Variants in PGPEP1L observed in about 807,000 individuals in gnomAD.
PGPEP1L encodes pyroglutamyl-peptidase I like, also known as pyroglutamyl-peptidase 1-like protein.
Under a neutral mutation model 6.0 loss-of-function variants are expected in PGPEP1L, and 7 were observed. The ratio of observed to expected loss-of-function variants is 1.17; its 90% CI spans 0.66 to 2.19. The LOEUF (loss-of-function observed/expected upper bound fraction) is 2.19. Ranked by LOEUF, PGPEP1L falls within the 30% of genes most tolerant of loss-of-function variation. The pLI is 0.00. For synonymous variants in PGPEP1L, 103 were observed against 83.9 expected (o/e 1.23, Z -1.24); for missense variants, 209 against 192.5 (o/e 1.09, Z -0.51).
chr15:98,973,550 G>A (rs2017527781), intron 2 of PGPEP1L, among the ~76,000 whole-genome samples: 1 of 152,158 alleles, frequency 6.6e-6, no homozygotes. Flanking sequence ...ATCAATAACA[G>A]AAGGAATGTT....
chr15:98,996,904 C>T (rs553566810), intron 2 of PGPEP1L, among the ~76,000 whole-genome samples: 54 of 152,244 alleles, frequency 3.5e-4, no homozygotes, highest in African/African-American at 1.3e-3. Context: ...TATGCCCCAC[C>T]TGGTTCTAAG....
At chr15:99,001,257 C>A in intron 2 of PGPEP1L, 1 of 312,940 alleles carries the variant, frequency 3.2e-6, no homozygotes, top group Non-Finnish European at 6.5e-6. Context: ...CACACTACCA[C>A]GTGGCTCAAC....
intron 2 of PGPEP1L, among the ~76,000 whole-genome samples, chr15:98,991,740 A>T (rs781857383): frequency 7.2e-5 from 11 of 152,236 alleles, no homozygotes; most frequent in Non-Finnish European, 1.5e-4. Flanking sequence ...GCAGCACATC[A>T]AAAAGCTTAT....
intron 2 of PGPEP1L, among the ~76,000 whole-genome samples, chr15:98,982,606 G>A (rs557353873): frequency 9.9e-5 from 15 of 151,960 alleles, no homozygotes; most frequent in East Asian, 3.9e-4. Context: ...CATGGTTGAC[G>A]CTGAGCTGGG....
At chr15:99,007,239 AT>A (rs113666241) in intron 1 of PGPEP1L, 119 bp downstream of exon 1, 15,520 of 152,192 alleles carry the variant, frequency 0.1, 903 homozygotes, top group African/African-American at 0.14. Context: ...GATGCAGAGG[AT>A]TTTTGTACTT....
rs138786461 is a variant in PGPEP1L, at chr15:98,992,421, G to A, written c.-142+13008C>T. Among the ~76,000 whole-genome samples, 1,469 of 152,164 alleles carry A rather than the reference G, an allele frequency of 9.7e-3. 11 individuals are homozygous for A. The highest frequency in any genetic ancestry group is 0.017 in the Middle Eastern group (5 of 294). Reference sequence around the variant, plus strand: ...TGTGAAGGACCTCTTCAAGGAGAACGTCAAACCACTGCTCAAGGAAATGAG... The same window carrying A: ...TGTGAAGGACCTCTTCAAGGAGAACATCAAACCACTGCTCAAGGAAATGAG... On this transcript the variant is annotated intron_variant, in intron 2 of 4. Transcript: ENST00000535714.
chr15:98,968,506 G>A lies in PGPEP1L; in HGVS notation c.401C>T (p.Thr134Ile), dbSNP rs771531915. 6.6e-5 allele frequency: 107 copies of A among 1,613,526 alleles called. No homozygotes were observed. The Admixed American group carries it at 7.8e-4, about 12-fold the overall frequency. Residue 134 changes from threonine to isoleucine, a missense_variant, in exon 5 of 5, where the codon ACC (threonine) becomes ATC (isoleucine). Transcript: ENST00000535714. ...GTTCCCTTTGGCTGGAAGGACCATG[G>A]TTGAGTTTTCTTCGAACTGGGCTCT... ...KHRAQFEENSTMVLPAKGN is the reference protein window; with the variant it reads ...KHRAQFEENSIMVLPAKGN
rs2017744644 is a variant in PGPEP1L, at chr15:98,986,216, A to G, written c.-141-15058T>C. Among the ~76,000 whole-genome samples the G allele has an allele frequency of 2.0e-5, 3 of 152,336 alleles. No individual in the cohort carries two copies. The South Asian group carries it at 6.2e-4, about 32-fold the overall frequency. ...TTTGTAAGTGATAGAAGTGTCTTTC[A>G]TGGGAATGAGGTGACTCATGTGGGC... On this transcript the variant is annotated intron_variant, in intron 2 of 4. Transcript: ENST00000535714.
chr15:98,970,612 TC>T (rs1439630515), intron 3 of PGPEP1L, among the ~76,000 whole-genome samples: 1 of 152,114 alleles, frequency 6.6e-6, no homozygotes, highest in Non-Finnish European at 1.5e-5. Context: ...TAAAATGGGC[TC>T]GTGCTATGAA....
intron 2 of PGPEP1L, among the ~76,000 whole-genome samples, chr15:98,971,403 A>T (rs2017495156): frequency 1.3e-5 from 2 of 152,184 alleles, no homozygotes; most frequent in Non-Finnish European, 1.5e-5. Context: ...CTGAGGCAGG[A>T]GAATCACTTG....
At chr15:99,006,722 G>A (rs1174845567) in intron 1 of PGPEP1L, among the ~76,000 whole-genome samples, 3 of 152,202 alleles carry the variant, frequency 2.0e-5, no homozygotes, top group East Asian at 3.8e-4. Context: ...AGGCTGAAGC[G>A]GGAGGATCAC....
At chr15:98,997,296 T>C (rs1274094068) in intron 2 of PGPEP1L, among the ~76,000 whole-genome samples, 2 of 152,202 alleles carry the variant, frequency 1.3e-5, no homozygotes, top group African/African-American at 4.8e-5. Flanking sequence ...GAGTTTTCCT[T>C]GACTGCATCT....
chr15:98,997,424 G>A (rs938763683), intron 2 of PGPEP1L, among the ~76,000 whole-genome samples: 5 of 152,120 alleles, frequency 3.3e-5, no homozygotes, highest in African/African-American at 9.7e-5. Flanking sequence ...TTGATCCAAC[G>A]GAGGCATGAA....
intron 2 of PGPEP1L, among the ~76,000 whole-genome samples, chr15:99,000,511 T>G (rs1261075335): frequency 2.0e-5 from 3 of 152,200 alleles, no homozygotes; most frequent in African/African-American, 7.2e-5. Context: ...GCTAAGGGAT[T>G]GTAAATACAC....
rs185709864 is a variant in PGPEP1L at position 98,991,566 on chromosome 15, C to G, written c.-142+13863G>C. ...TGGTACCATTCCTTCTGAAAGTATT[C>G]CAAATAGATAGAGGGAATCCTCCCT... On this transcript the variant is annotated intron_variant, in intron 2 of 4. Coordinates refer to ENST00000535714, the MANE Select transcript of PGPEP1L (RefSeq NM_001167902.2). Among the ~76,000 whole-genome samples, 479 of 152,170 alleles carry G rather than the reference C, an allele frequency of 3.1e-3. 7 individuals carry two copies. Among genetic ancestry groups the G allele is most frequent in the African/African-American group, 1.0e-2 (414 of 41,532 alleles).
intron 2 of PGPEP1L, among the ~76,000 whole-genome samples, chr15:98,976,312 G>C (rs897598720): frequency 3.9e-5 from 6 of 152,156 alleles, no homozygotes; most frequent in South Asian, 2.1e-4. Context: ...TGACTAAAAA[G>C]TTTGCTCTGA....
chr15:98,981,508 A>AAAC (rs2017662395), intron 2 of PGPEP1L, among the ~76,000 whole-genome samples: 1 of 139,670 alleles, frequency 7.2e-6, no homozygotes, highest in African/African-American at 2.8e-5. Flanking sequence ...AAAAAAAAAC[A>AAAC]AAAACAAAAC....
chr15:98,994,526 G>A (rs568337485), intron 2 of PGPEP1L, among the ~76,000 whole-genome samples: 4 of 151,784 alleles, frequency 2.6e-5, no homozygotes, highest in African/African-American at 4.8e-5. Context: ...ATGGTGGCAC[G>A]TGCCTGTAGT....
chr15:98,972,650 C>T (rs543157287), intron 2 of PGPEP1L, among the ~76,000 whole-genome samples: 3 of 151,708 alleles, frequency 2.0e-5, no homozygotes, highest in Non-Finnish European at 4.4e-5. Flanking sequence ...GGGTGGATCA[C>T]GAGGTCAGGA....
Sources: gnomAD v4.1 joint callset for allele counts (sites outside exome capture counted in the v4.1 genomes callset) on GRCh38, gnomAD v4.1.1 for gene constraint, MANE v1.5 for transcripts, NCBI Gene and HGNC (gene_info 2026-07-23, HGNC 2026-07-21) for gene names.